SEZ6L2: variants seen among roughly 807,000 people sequenced by gnomAD.
SEZ6L2 encodes the protein seizure 6-like protein 2.
In SEZ6L2, 44 loss-of-function variants were observed where a neutral mutation model predicts 97.0. The observed-to-expected ratio is 0.45, with a 90% CI of 0.36 to 0.58. The LOEUF is 0.58. SEZ6L2 is among the 20% of genes least tolerant of loss of function. SEZ6L2 has a pLI of 0.00. For synonymous variants in SEZ6L2, 543 were observed against 546.1 expected (o/e 0.99, Z 0.08); for missense variants, 1,086 against 1,233.3 (o/e 0.88, Z 1.79).
chr16:29,894,622 C>T (rs534440906), intron 5 of SEZ6L2, among the ~76,000 whole-genome samples: 1 of 152,276 alleles, frequency 6.6e-6, no homozygotes, highest in South Asian at 2.1e-4. Context: ...TGTCTTCCTA[C>T]CTAGATTCTG....
chr16:29,873,174 T>C lies in SEZ6L2; in HGVS notation c.2488+66A>G, dbSNP rs2067822605. On this transcript the variant is annotated intron_variant, in intron 14 of 17. Coordinates refer to ENST00000617533, the MANE Select transcript of SEZ6L2 (RefSeq NM_001243332.2). This position sits in a 1 kb window ranked among gnomAD's most constrained non-coding sequence, Gnocchi z 4.3. The stretch of plus-strand genomic sequence containing the variant: ...GCCCATTGGTCTCAAATGTGCTACC[T>C]GACTCTCCCAGCCCTGTCACTTCCC... 6.4e-7 allele frequency: 1 copy of C among 1,570,672 alleles called. No homozygotes were observed.
intron 9 of SEZ6L2, among the ~76,000 whole-genome samples, chr16:29,878,763 C>CTTTTTTTTTTTTTTTTTTT (rs529820559): frequency 7.8e-6 from 1 of 127,938 alleles, no homozygotes; most frequent in African/African-American, 2.9e-5. Context: ...TTTCTTTTTT[C>CTTTTTTTTTTTTTTTTTTT]TTTTTTTTTT....
At chr16:29,890,298 G>A (rs2068244229) in intron 5 of SEZ6L2, among the ~76,000 whole-genome samples, 1 of 152,110 alleles carries the variant, frequency 6.6e-6, no homozygotes, top group Non-Finnish European at 1.5e-5. Flanking sequence ...CCTGAGGTCA[G>A]GAAAAAGACC....
chr16:29,885,595 G>T lies in SEZ6L2; in HGVS notation c.1363C>A (p.Arg455=), dbSNP rs764902935. 1.9e-6 allele frequency: 3 copies of T among 1,613,256 alleles called. No individual in the cohort carries two copies. Among genetic ancestry groups the T allele is most frequent in the Middle Eastern group, 3.3e-4 (2 of 6,052 alleles). Residue 455 remains arginine (R), a synonymous_variant, in exon 8 of 18, where the codon CGA becomes AGA. Coordinates refer to ENST00000617533, the MANE Select transcript of SEZ6L2 (RefSeq NM_001243332.2). ...GGAGTGGGTCACTTACCTTCAAATC[G>T]AAGGCTTAACAGCAGGGGATTGGCA... is the stretch of plus-strand genomic sequence containing the variant. ...TPANPLLLSL[R]FEAFEEDRCF... is the part of the protein sequence containing the mutation.
intron 5 of SEZ6L2, among the ~76,000 whole-genome samples, chr16:29,894,854 C>T (rs1194022387): frequency 3.3e-5 from 5 of 152,052 alleles, no homozygotes; most frequent in Admixed American, 1.3e-4. Context: ...AAGCCCCCTT[C>T]GGCACCCTGT....
At chr16:29,878,694 C>T (rs2067963812) in intron 9 of SEZ6L2, among the ~76,000 whole-genome samples, 1 of 151,366 alleles carries the variant, frequency 6.6e-6, no homozygotes, top group African/African-American at 2.4e-5. Context: ...ACGCCATTCT[C>T]CTGCCTCAGC....
chr16:29,889,173 T>C (rs1320310211), intron 5 of SEZ6L2, among the ~76,000 whole-genome samples: 1 of 152,200 alleles, frequency 6.6e-6, no homozygotes, highest in African/African-American at 2.4e-5. Flanking sequence ...CTAGGCATGC[T>C]GGCTCACGCC....
Position 29,873,048 on chromosome 16 carries a change from C to T in SEZ6L2, c.2488+192G>A, listed in dbSNP as rs2067819820. On this transcript the variant is annotated intron_variant, in intron 14 of 17. Transcript: ENST00000617533. This position sits in a 1 kb window ranked among gnomAD's most constrained non-coding sequence, Gnocchi z 4.3. ...TTCCAAGCCAAGGCCCCCTCTACTA[C>T]ACCCCTGAGCCAATCCCATGACCTC... is the stretch of plus-strand genomic sequence containing the variant. 6.6e-6 allele frequency among the ~76,000 whole-genome samples: 1 copy of T among 152,226 alleles called. No homozygotes were observed. Among genetic ancestry groups the T allele is most frequent in the South Asian group, 2.1e-4 (1 of 4,832 alleles).
rs767350220 is a variant in SEZ6L2 at position 29,876,757 on chromosome 16, C to T, written c.2103G>A (p.Lys701=). 12 of 1,545,558 alleles carry T rather than the reference C, an allele frequency of 7.8e-6. No individual in the cohort carries two copies. Among genetic ancestry groups the T allele is most frequent in the Middle Eastern group, 1.7e-4 (1 of 5,860 alleles). Residue 701 remains lysine (K), a splice_region_variant and synonymous_variant, in exon 12 of 18, where the codon AAG becomes AAA. Transcript: ENST00000617533. The surrounding 1 kb of genome is among the most constrained non-coding windows in gnomAD (Gnocchi z 6.5). Reference sequence around the variant, plus strand: ...GGGACGCGGGCGGGGCCGGCTCACTCTTTTGGCAGGCGGGCGGCGCGGCGC... The same window carrying T: ...GGGACGCGGGCGGGGCCGGCTCACTTTTTTGGCAGGCGGGCGGCGCGGCGC... The part of the protein sequence containing the change: ...SWSAAPPACQ[K]IMTCADPGEI...
chr16:29,882,585 A>G (rs1032450621), intron 8 of SEZ6L2, among the ~76,000 whole-genome samples: 2 of 151,686 alleles, frequency 1.3e-5, no homozygotes, highest in African/African-American at 4.8e-5. Flanking sequence ...CTCAAAAAAA[A>G]AAAAAAAAGG....
At chr16:29,887,941 C>T (rs2068183843) in intron 6 of SEZ6L2, 124 bp from the exon 7 acceptor site, 6 of 1,068,578 alleles carry the variant, frequency 5.6e-6, no homozygotes, top group Middle Eastern at 6.2e-4. Context: ...CCAGGGCTGG[C>T]CTCTGTCCCA....
chr16:29,897,765 T>C, intron 2 of SEZ6L2, 88 bp downstream of exon 2: 1 of 1,436,586 alleles, frequency 7.0e-7, no homozygotes. Flanking sequence ...TCTCTCTGCC[T>C]GCTCTTCTCT....
rs1484245774 is a variant in SEZ6L2 at position 29,873,783 on chromosome 16, G to A, written c.2105-54C>T. The A allele has an allele frequency of 2.7e-6, 4 of 1,472,654 alleles. No individual in the cohort carries two copies. Among genetic ancestry groups the A allele is most frequent in the Non-Finnish European group, 3.6e-6 (4 of 1,100,688 alleles). The allele number at this position is 1,472,654 out of a possible 1,614,324, so 91.2% of individuals were successfully genotyped here. The stretch of plus-strand genomic sequence containing the variant: ...AGCGAGGGCCTTCAAAGATCAGCCT[G>A]GGCAACACAGAGAGACCCCATCTCT... On this transcript the variant is annotated intron_variant, in intron 12 of 17. Transcript: ENST00000617533. The surrounding 1 kb of genome is among the most constrained non-coding windows in gnomAD (Gnocchi z 4.3).
intron 9 of SEZ6L2, among the ~76,000 whole-genome samples, chr16:29,879,059 T>C (rs1408225520): frequency 1.3e-5 from 2 of 151,446 alleles, no homozygotes; most frequent in Admixed American, 6.6e-5. Context: ...CGCACTACCA[T>C]GCCCGGCTAA....
chr16:29,888,471 C>A lies in SEZ6L2; in HGVS notation c.1039+69G>T, dbSNP rs535965843. 24 of 1,528,474 alleles carry A rather than the reference C, an allele frequency of 1.6e-5. No individual in the cohort carries two copies. The South Asian group carries it at 2.8e-4, about 18-fold the overall frequency. 94.7% of individuals were successfully genotyped at this position (1,528,474 alleles called of 1,614,324 possible). A position where few individuals can be genotyped will look rare whatever the true frequency, so the allele number is the denominator to read the frequency against. ...TCCCCAAAGGTGGACACCTGGACAC[C>A]CCCGAGATAGGACCCTCCCAATGGG... On this transcript the variant is annotated intron_variant, in intron 6 of 17. Transcript: ENST00000617533.
At chr16:29,874,550 G>GGT (rs2067858857) in intron 12 of SEZ6L2, among the ~76,000 whole-genome samples, 50 of 32,570 alleles carry the variant, frequency 1.5e-3, no homozygotes, top group South Asian at 5.2e-3. Context: ...GTGTGTGCTT[G>GGT]TTTTTTTTTT....
In SEZ6L2 at chr16:29,880,031, A is replaced by G; in HGVS notation, c.1406T>C (p.Leu469Pro). ...CGTGGTAGTGACATTTCCATGTGCC[A>G]GGAAGGGGGCGAAGCAGCGATCCTC... ...FEEDRCFAPFLAHGNVTTTDP... is the reference protein window; with the variant it reads ...FEEDRCFAPFPAHGNVTTTDP... The change falls in exon 9 of 18, where the codon CTG (leucine) becomes CCG (proline). Residue 469 changes from leucine to proline, a missense_variant. This residue lies in a region of SEZ6L2 where 776 missense variants were observed against 794.7 expected (regional missense o/e 0.98). Coordinates refer to ENST00000617533, the MANE Select transcript of SEZ6L2 (RefSeq NM_001243332.2). The G allele has an allele frequency of 6.2e-7, 1 of 1,614,222 alleles. No individual in the cohort carries two copies. Among genetic ancestry groups the G allele is most frequent in the Non-Finnish European group, 8.5e-7 (1 of 1,180,026 alleles).
intron 12 of SEZ6L2, among the ~76,000 whole-genome samples, chr16:29,874,820 C>T (rs2067870749): frequency 6.6e-6 from 1 of 152,054 alleles, no homozygotes; most frequent in Non-Finnish European, 1.5e-5. Flanking sequence ...ATCCACCCAC[C>T]TCAGCCTCCA....
At chr16:29,894,690 A>G (rs1056711981) in intron 5 of SEZ6L2, among the ~76,000 whole-genome samples, 4 of 152,124 alleles carry the variant, frequency 2.6e-5, no homozygotes, top group Non-Finnish European at 5.9e-5. Flanking sequence ...AGGCTAACAC[A>G]GGGCCTGGTA....
Sources: allele counts gnomAD v4.1 joint callset (sites outside exome capture counted in the v4.1 genomes callset), GRCh38; gene constraint gnomAD v4.1.1; regional missense constraint gnomAD v4.1.1; non-coding constraint Gnocchi (gnomAD v3.1); transcripts MANE v1.5; gene names NCBI Gene and HGNC (gene_info 2026-07-23, HGNC 2026-07-21).